Variants in PCDHA12 observed in about 807,000 individuals in gnomAD.
The protein encoded by PCDHA12 is protocadherin alpha 12.
A neutral mutation model predicts 60.0 loss-of-function variants in PCDHA12; 44 were observed. The ratio of observed to expected loss-of-function variants is 0.73; its 90% confidence interval spans 0.58 to 0.94. PCDHA12 has a LOEUF of 0.94. Among genes scored for constraint, PCDHA12 ranks in the 40% least tolerant of loss-of-function variants. PCDHA12 has a pLI of 0.00. For synonymous variants in PCDHA12, 569 were observed against 553.0 expected (o/e 1.03, Z -0.40); for missense variants, 1,276 against 1,239.7 (o/e 1.03, Z -0.44).
At chr5:140,912,209 G>T (rs1027468350) in intron 1 of PCDHA12, among the ~76,000 whole-genome samples, 8 of 152,158 alleles carry the variant, frequency 5.3e-5, no homozygotes, top group Non-Finnish European at 7.3e-5. Context: ...ATTGAGGGTA[G>T]ATCTGCCTTT....
intron 1 of PCDHA12, among the ~76,000 whole-genome samples, chr5:140,973,225 G>A (rs1554235003): frequency 6.6e-6 from 1 of 152,180 alleles, no homozygotes; most frequent in African/African-American, 2.4e-5. Flanking sequence ...TCCAGGTATA[G>A]TGACCTGAAA....
intron 3 of PCDHA12, among the ~76,000 whole-genome samples, chr5:140,991,900 A>G (rs137964856): frequency 9.8e-4 from 149 of 152,250 alleles, no homozygotes; most frequent in African/African-American, 3.0e-3. Context: ...TTAACACAAA[A>G]TCCCTTTTGC....
Position 140,982,515 on chromosome 5 carries a change from C to A in PCDHA12, c.2467C>A (p.Pro823Thr), listed in dbSNP as rs1278779763. ...LEEAGILRAG[P>T]GGPDQQWPTV... ...GGAGGCTGGCATTCTACGGGCTGGT[C>A]CAGGAGGGCCTGATCAGCAGTGGCC... Residue 823 changes from proline (P) to threonine (T), a missense_variant, in exon 3 of 4, where the codon CCA becomes ACA. Pro to Thr is a conservative substitution (Grantham distance 38, BLOSUM62 -1). Transcript: ENST00000398631. 3 of 1,614,058 alleles carry A rather than the reference C, an allele frequency of 1.9e-6. No individual in the cohort carries two copies. Among genetic ancestry groups the A allele is most frequent in the Middle Eastern group, 1.6e-4 (1 of 6,080 alleles).
rs149837711 is a variant in PCDHA12 at position 140,940,786 on chromosome 5, G to A, written c.2368-38163G>A. Reference sequence around the variant, plus strand: ...TTTGACTTTTGATGGTCCATATCCTGAAAATGATATTTGCCAGGATATCCT... The same window carrying A: ...TTTGACTTTTGATGGTCCATATCCTAAAAATGATATTTGCCAGGATATCCT... On this transcript the variant is annotated intron_variant, in intron 1 of 3. Coordinates refer to ENST00000398631, the MANE Select transcript of PCDHA12 (RefSeq NM_018903.4). 1.1e-4 allele frequency among the ~76,000 whole-genome samples: 17 copies of A among 152,224 alleles called. 1 individual carries two copies. The East Asian group carries it at 2.9e-3, about 26-fold the overall frequency.
chr5:140,942,237 T>C (rs2153657846), intron 1 of PCDHA12, among the ~76,000 whole-genome samples: 1 of 152,214 alleles, frequency 6.6e-6, no homozygotes, highest in East Asian at 1.9e-4. Context: ...GCAAATAAGA[T>C]ATCCATATCA....
chr5:140,974,994 A>C (rs901871984), intron 1 of PCDHA12, among the ~76,000 whole-genome samples: 8 of 152,126 alleles, frequency 5.3e-5, no homozygotes, highest in African/African-American at 1.9e-4. Flanking sequence ...AGGTATTCTC[A>C]AGGCTGAAAT....
chr5:140,958,084 T>C (rs2095408627), intron 1 of PCDHA12, among the ~76,000 whole-genome samples: 1 of 152,110 alleles, frequency 6.6e-6, no homozygotes, highest in African/African-American at 2.4e-5. Flanking sequence ...AAAAGTAAAG[T>C]TGTACAATAG....
chr5:140,875,642 C>T lies in PCDHA12; in HGVS notation c.170C>T (p.Ala57Val), dbSNP rs2153326944. 3 of 1,613,606 alleles carry T rather than the reference C, an allele frequency of 1.9e-6. No individual in the cohort carries two copies. The highest frequency in any genetic ancestry group is 4.5e-5 in the East Asian group (2 of 44,884). Residue 57 changes from alanine (A) to valine (V), a missense_variant, in exon 1 of 4, where the codon GCG becomes GTG. Transcript: ENST00000398631. ...GCTCAGGACCTGGGGCTGGAGCTGG[C>T]GGAGCTGGTGCCGCGCCTGTTCCGG... Reference protein sequence around the residue: ...RIAQDLGLELAELVPRLFRVA... With the variant: ...RIAQDLGLELVELVPRLFRVA...
intron 1 of PCDHA12, among the ~76,000 whole-genome samples, chr5:140,940,470 A>G (rs182796886): frequency 4.7e-5 from 7 of 149,652 alleles, no homozygotes; most frequent in African/African-American, 9.8e-5. Flanking sequence ...GTTCCCTGCA[A>G]TTTTTTTTTT....
At chr5:140,929,972 G>A (rs2086500191) in intron 1 of PCDHA12, 1 of 152,084 alleles carries the variant, frequency 6.6e-6, no homozygotes, top group South Asian at 2.1e-4. Flanking sequence ...TTTTGGTGAA[G>A]GTGTCTTCTT....
intron 1 of PCDHA12, among the ~76,000 whole-genome samples, chr5:140,950,864 A>G (rs1014752748): frequency 1.3e-5 from 2 of 151,930 alleles, no homozygotes; most frequent in Non-Finnish European, 2.9e-5. Context: ...ATTCTTGTAT[A>G]TTCTATATTG....
Position 140,877,047 on chromosome 5 carries a change from C to T in PCDHA12, c.1575C>T (p.His525=), listed in dbSNP as rs372059660. The T allele has an allele frequency of 5.6e-6, 9 of 1,612,564 alleles. No homozygotes were observed. The African/African-American group carries it at 1.2e-4, about 22-fold the overall frequency. The change falls in exon 1 of 4, where the codon CAC becomes CAT. Residue 525 remains histidine (H), a synonymous_variant. Transcript: ENST00000398631. ...GKVYALQPLD[H]EELELLQFQV... ...TGTACGCGCTGCAGCCGCTAGACCA[C>T]GAGGAGCTGGAGCTGCTGCAGTTCC...
At chr5:140,957,473 GA>G (rs1446179332) in intron 1 of PCDHA12, among the ~76,000 whole-genome samples, 1 of 151,954 alleles carries the variant, frequency 6.6e-6, no homozygotes, top group Non-Finnish European at 1.5e-5. Context: ...GTATGTATAG[GA>G]AAAAACATAG....
At chr5:140,965,670 G>A (rs2095922284) in intron 1 of PCDHA12, among the ~76,000 whole-genome samples, 1 of 152,144 alleles carries the variant, frequency 6.6e-6, no homozygotes, top group Non-Finnish European at 1.5e-5. Flanking sequence ...GGTGATAAAT[G>A]TAAAAGATTT....
chr5:140,888,753 A>G (rs1237459726), intron 1 of PCDHA12, among the ~76,000 whole-genome samples: 1 of 149,022 alleles, frequency 6.7e-6, no homozygotes, highest in Non-Finnish European at 1.5e-5. Flanking sequence ...TATTCTACCC[A>G]CTTTTTTTTT....
chr5:140,906,180 C>T (rs1457176453), intron 1 of PCDHA12, among the ~76,000 whole-genome samples: 1 of 152,132 alleles, frequency 6.6e-6, no homozygotes, highest in Non-Finnish European at 1.5e-5. Flanking sequence ...ACTTTGCATC[C>T]TTCAATCCAA....
rs369053351 is a variant in PCDHA12, at chr5:140,982,539, C to A, written c.2491C>A (p.Pro831Thr). ...AGPGGPDQQW[P>T]TVSSATPEPE... The stretch of plus-strand genomic sequence containing the variant: ...TCCAGGAGGGCCTGATCAGCAGTGG[C>A]CAACAGTATCCAGTGCAACACCAGG... Residue 831 changes from proline (P) to threonine (T), a missense_variant, in exon 3 of 4, where the codon CCA (proline) becomes ACA (threonine). By Grantham distance (38) the Pro-to-Thr change is conservative. Coordinates refer to ENST00000398631, the MANE Select transcript of PCDHA12 (RefSeq NM_018903.4). 29 of 1,614,008 alleles carry A rather than the reference C, an allele frequency of 1.8e-5. No individual in the cohort carries two copies. The highest frequency in any genetic ancestry group is 2.2e-5 in the Non-Finnish European group (26 of 1,180,032).
chr5:140,882,204 G>T, intron 1 of PCDHA12: 1 of 1,530,664 alleles, frequency 6.5e-7, no homozygotes. Flanking sequence ...ATTGGGCCTT[G>T]AGAGACAGTT....
At chr5:140,911,257 A>G (rs1423375928) in intron 1 of PCDHA12, among the ~76,000 whole-genome samples, 1 of 152,156 alleles carries the variant, frequency 6.6e-6, no homozygotes, top group African/African-American at 2.4e-5. Context: ...ATCAGAATTT[A>G]TAATCTCAGT....
Sources: allele counts gnomAD v4.1 joint callset (sites outside exome capture counted in the v4.1 genomes callset), GRCh38; gene constraint gnomAD v4.1.1; transcripts MANE v1.5; gene names NCBI Gene and HGNC (gene_info 2026-07-23, HGNC 2026-07-21).